Variants in TJP2 observed in about 807,000 individuals in gnomAD.
TJP2 encodes Friedreich ataxia region gene X104 (tight junction protein ZO-2).
TJP2 carries 91 observed loss-of-function variants against 133.1 expected under a neutral mutation model. That is an observed-to-expected ratio of 0.68 (90% CI 0.58 to 0.81). The LOEUF (loss-of-function observed/expected upper bound fraction) is 0.81. Ranked by LOEUF, TJP2 falls within the 40% of genes least tolerant of loss-of-function variation. The pLI is 0.00. For synonymous variants in TJP2, 592 were observed against 583.4 expected (o/e 1.01, Z -0.21); for missense variants, 1,541 against 1,565.6 (o/e 0.98, Z 0.26).
rs182511630 is a variant in TJP2, at chr9:69,200,354, C to T, written c.61-12194C>T. Among the ~76,000 whole-genome samples the T allele has an allele frequency of 2.6e-4, 40 of 151,614 alleles. No homozygotes were observed. The East Asian group carries it at 7.8e-3, about 30-fold the overall frequency. Reference sequence around the variant, plus strand: ...GGCCTCTCATCCTCAGTTAACAACCCGCCTGTGCCATCAATTACACTGTTT... The same window carrying T: ...GGCCTCTCATCCTCAGTTAACAACCTGCCTGTGCCATCAATTACACTGTTT... On this transcript the variant is annotated intron_variant, in intron 1 of 22. Coordinates refer to ENST00000377245, the MANE Select transcript of TJP2 (RefSeq NM_004817.4).
In TJP2 at chr9:69,163,363, C is replaced by T. The variant is rs192942334; in HGVS notation, c.-10+11592C>T. 4.3e-3 allele frequency among the ~76,000 whole-genome samples: 649 copies of T among 151,462 alleles called. 6 individuals carry two copies. Among genetic ancestry groups the T allele is most frequent in the African/African-American group, 0.014 (587 of 41,378 alleles). ...ATTTTAAAACATTTTTAGCTGAGTG[C>T]GGTGGCTCAGGCCTGTAATCCCTGC... On this transcript the variant is annotated intron_variant, in intron 2 of 5. Transcript: ENST00000423935.
chr9:69,186,010 C>T (rs1268254297), intron 1 of TJP2, among the ~76,000 whole-genome samples: 5 of 151,628 alleles, frequency 3.3e-5, no homozygotes, highest in Admixed American at 6.6e-5. Flanking sequence ...CCTCATGATC[C>T]GCCTGCCTTG....
chr9:69,222,528 C>T (rs1350851667), intron 5 of TJP2, among the ~76,000 whole-genome samples: 4 of 152,172 alleles, frequency 2.6e-5, no homozygotes, highest in Non-Finnish European at 5.9e-5. Context: ...TGCCTAACAC[C>T]AATTCGTTCG....
intron 1 of TJP2, among the ~76,000 whole-genome samples, chr9:69,130,229 C>T (rs1012930200): frequency 2.0e-5 from 3 of 151,998 alleles, no homozygotes; most frequent in African/African-American, 7.2e-5. Flanking sequence ...GTTTTGGAGG[C>T]TCGCTATAAC....
At chr9:69,123,208 C>CTTCTCTGATGGCTAATGATGT (rs1451615587) in intron 1 of TJP2, among the ~76,000 whole-genome samples, 14 of 102,104 alleles carry the variant, frequency 1.4e-4, no homozygotes, top group East Asian at 2.9e-4. Context: ...CACCAGGACA[C>CTTCTCTGATGGCTAATGATGT]TCTACAGCCG....
chr9:69,179,111 G>A (rs920163376), intron 1 of TJP2, among the ~76,000 whole-genome samples: 8 of 152,092 alleles, frequency 5.3e-5, no homozygotes, highest in Non-Finnish European at 7.4e-5. Flanking sequence ...CATGGCAGGC[G>A]AATGAATCAA....
At chr9:69,205,158 G>C in intron 1 of TJP2, 1 of 1,537,220 alleles carries the variant, frequency 6.5e-7, no homozygotes, top group Non-Finnish European at 8.7e-7. Context: ...CATCTCCAGA[G>C]ACCATGAAGA....
chr9:69,228,166 TCA>T, intron 9 of TJP2, 52 bp downstream of exon 9: 1 of 1,560,686 alleles, frequency 6.4e-7, no homozygotes, highest in Non-Finnish European at 8.7e-7. Context: ...AAGTGTGTGC[TCA>T]CACAGCCATA....
intron 1 of TJP2, among the ~76,000 whole-genome samples, chr9:69,130,498 G>A (rs1270647177): frequency 1.3e-5 from 2 of 152,064 alleles, no homozygotes; most frequent in African/African-American, 4.8e-5. Flanking sequence ...GATCTGGGGC[G>A]GGGGCTCAAG....
chr9:69,208,127 C>T (rs1173992448), intron 1 of TJP2, among the ~76,000 whole-genome samples: 2 of 152,142 alleles, frequency 1.3e-5, no homozygotes, highest in Admixed American at 1.3e-4. Context: ...CCCAAAAAGT[C>T]ACAGTTCTGT....
Position 69,251,165 on chromosome 9 carries a change from C to A in TJP2, c.3122C>A (p.Ala1041Glu), listed in dbSNP as rs759940400. 6.2e-7 allele frequency: 1 copy of A among 1,614,162 alleles called. No individual in the cohort carries two copies. The highest frequency in any genetic ancestry group is 8.5e-7 in the Non-Finnish European group (1 of 1,180,028). Reference protein sequence around the residue: ...STKGYPPPVAAKPTFGRSILK... With the variant: ...STKGYPPPVAEKPTFGRSILK... ...AAAGGTTATCCTCCTCCTGTTGCAG[C>A]AAAACCTACCTTTGGGCGGTCTATA... Residue 1041 changes from alanine to glutamate, a missense_variant, in exon 21 of 23, where the codon GCA becomes GAA. Transcript: ENST00000377245.
intron 1 of TJP2, among the ~76,000 whole-genome samples, chr9:69,196,218 G>C (rs1365713981): frequency 1.3e-5 from 2 of 152,196 alleles, no homozygotes; most frequent in Non-Finnish European, 2.9e-5. Flanking sequence ...AGGTTCTTCA[G>C]TGGAAAGGAT....
chr9:69,174,310 GAGCAGGAGCAGA>G lies in TJP2; in HGVS notation c.-57_-46del. ...GTCCGGTGGTGCCCAGGAGGAGTAGGAGCAGGAGCAGAAGCAGAAGCGGGGTCCGGAGCTGCG... is the reference window on the plus strand; with the variant it reads ...GTCCGGTGGTGCCCAGGAGGAGTAGGAGCAGAAGCGGGGTCCGGAGCTGCG... On this transcript the variant is annotated 5_prime_UTR_variant, in exon 1 of 23. Transcript: ENST00000377245. The G allele has an allele frequency of 1.9e-6, 3 of 1,549,830 alleles. No homozygotes were observed. Among genetic ancestry groups the G allele is most frequent in the South Asian group, 2.4e-5 (2 of 83,996 alleles).
chr9:69,254,014 C>T (rs1373965508), intron 22 of TJP2, 195 bp from the exon 23 acceptor site: 15 of 654,606 alleles, frequency 2.3e-5, no homozygotes, highest in Admixed American at 1.6e-4. Flanking sequence ...CACTCACCGC[C>T]GAAGTGGGCA....
chr9:69,209,528 C>T (rs145476511), intron 1 of TJP2, among the ~76,000 whole-genome samples: 4,338 of 151,722 alleles, frequency 0.029, 96 homozygotes, highest in South Asian at 0.075. Flanking sequence ...CCGAGGTGGG[C>T]GGATCATCTA....
Position 69,221,159 on chromosome 9 carries a change from G to C in TJP2, c.615G>C (p.Leu205=). The C allele has an allele frequency of 6.3e-7, 1 of 1,596,764 alleles. No individual in the cohort carries two copies. Among genetic ancestry groups the C allele is most frequent in the Non-Finnish European group, 8.5e-7 (1 of 1,171,720 alleles). ...RSRGRSLERG[L]DQDHARTRDR... ...GTGGCCGGAGCCTGGAGCGGGGCCT[G>C]GACCAAGACCATGCGCGCACCCGAG... The change falls in exon 5 of 23, where the codon CTG becomes CTC. Residue 205 remains leucine (L), a synonymous_variant. Transcript: ENST00000377245.
intron 1 of TJP2, among the ~76,000 whole-genome samples, chr9:69,187,557 G>A (rs73449202): frequency 0.016 from 2,488 of 152,314 alleles, 60 homozygotes; most frequent in African/African-American, 0.057. Flanking sequence ...TGAGACGAGC[G>A]TAATCAAAAG....
upstream of TJP2, chr9:69,174,027 C>T (rs1824854313): frequency 3.9e-6 from 4 of 1,037,894 alleles, no homozygotes; most frequent in African/African-American, 1.7e-5. Flanking sequence ...CCGCCGCCGC[C>T]TCCCGCCCCC....
At chr9:69,167,053 T>TGAAA (rs1824395788) in intron 2 of TJP2, among the ~76,000 whole-genome samples, 1 of 151,274 alleles carries the variant, frequency 6.6e-6, no homozygotes, top group Non-Finnish European at 1.5e-5. Flanking sequence ...GCCAACATGG[T>TGAAA]GAAACCCCGT....
Sources: gnomAD v4.1 joint callset for allele counts (sites outside exome capture counted in the v4.1 genomes callset) on GRCh38, gnomAD v4.1.1 for gene constraint, MANE v1.5 for transcripts, NCBI Gene and HGNC (gene_info 2026-07-23, HGNC 2026-07-21) for gene names.